Variants in ZDHHC7 observed in about 807,000 individuals in gnomAD.
The protein encoded by ZDHHC7 is palmitoyltransferase ZDHHC7.
A neutral mutation model predicts 34.1 loss-of-function variants in ZDHHC7; 12 were observed. That is an observed-to-expected ratio of 0.35 (90% confidence interval 0.23 to 0.57). The LOEUF is 0.57. Ranked by LOEUF, ZDHHC7 falls within the 20% of genes least tolerant of loss-of-function variation. The pLI, the probability that ZDHHC7 is intolerant of heterozygous loss-of-function variation, is 0.84. For missense variants in ZDHHC7, 388 were observed against 402.7 expected (o/e 0.96, Z 0.31); for synonymous variants, 185 against 155.4 (o/e 1.19, Z -1.42).
intron 3 of ZDHHC7, chr16:84,988,985 T>A: frequency 9.0e-7 from 1 of 1,106,876 alleles, no homozygotes; most frequent in Non-Finnish European, 1.3e-6. Context: ...GGGTTTCTGC[T>A]GCAGCCAAGG....
At chr16:85,001,823 A>G (rs1027370093) in intron 1 of ZDHHC7, among the ~76,000 whole-genome samples, 2 of 152,110 alleles carry the variant, frequency 1.3e-5, no homozygotes, top group Admixed American at 6.6e-5. Context: ...CGATCTTCCC[A>G]TGTCGGCCAA....
intron 3 of ZDHHC7, chr16:84,988,613 C>A: frequency 1.4e-6 from 1 of 690,916 alleles, no homozygotes. Flanking sequence ...GGAGCAGGAG[C>A]GGGGTGGGAG....
At chr16:84,979,957 T>G in intron 4 of ZDHHC7, among the ~76,000 whole-genome samples, 1 of 144,270 alleles carries the variant, frequency 6.9e-6, no homozygotes. Context: ...ACCTTTTTTT[T>G]TTTTTTTTTT....
intron 2 of ZDHHC7, among the ~76,000 whole-genome samples, chr16:84,994,929 T>A (rs573563914): frequency 1.6e-4 from 25 of 152,282 alleles, no homozygotes; most frequent in African/African-American, 5.8e-4. Flanking sequence ...AGTCACTGTA[T>A]TTACACTTGA....
Position 84,990,585 on chromosome 16 carries a change from C to T in ZDHHC7, c.34G>A (p.Glu12Lys). The T allele has an allele frequency of 1.9e-6, 3 of 1,613,962 alleles. No individual in the cohort carries two copies. The highest frequency in any genetic ancestry group is 2.5e-6 in the Non-Finnish European group (3 of 1,180,020). The change falls in exon 3 of 8, where the codon GAG (glutamate) becomes AAG (lysine). Residue 12 changes from glutamate (E) to lysine (K), a missense_variant. Glu to Lys is a moderately conservative substitution (Grantham distance 56, BLOSUM62 1). Transcript: ENST00000313732. ...QPSGHRLRDV[E>K]HHPLLAENDN... is the part of the protein sequence containing the mutation. ...TTTTCAGCCAGGAGAGGATGATGCT[C>T]GACGTCCCGGAGCCTGTGTCCTGAT...
intron 1 of ZDHHC7, among the ~76,000 whole-genome samples, chr16:84,999,974 T>C (rs1001635521): frequency 6.6e-6 from 1 of 151,682 alleles, no homozygotes; most frequent in African/African-American, 2.4e-5. Context: ...CAAGACCCTG[T>C]CTCTACAAAA....
intron 3 of ZDHHC7, among the ~76,000 whole-genome samples, chr16:84,983,464 A>G (rs974925671): frequency 2.0e-5 from 3 of 152,150 alleles, no homozygotes; most frequent in Admixed American, 6.5e-5. Flanking sequence ...ATTCAGGGCT[A>G]CCAACAGGCC....
At chr16:85,002,470 G>A (rs1189829412) in intron 1 of ZDHHC7, among the ~76,000 whole-genome samples, 1 of 152,024 alleles carries the variant, frequency 6.6e-6, no homozygotes, top group Non-Finnish European at 1.5e-5. Context: ...TAGTCATAAG[G>A]AAAATATCAA....
rs746221378 is a variant in ZDHHC7, at chr16:84,978,019, G to A, written c.538-14C>T. On this transcript the variant is annotated splice_polypyrimidine_tract_variant and intron_variant, in intron 5 of 7. Coordinates refer to ENST00000313732, the MANE Select transcript of ZDHHC7 (RefSeq NM_017740.3). Reference sequence around the variant, plus strand: ...AGCTATATACATCTAGAATGAGGGGGAGATTGGTTAGTCACTTTTATTTTT... The same window carrying A: ...AGCTATATACATCTAGAATGAGGGGAAGATTGGTTAGTCACTTTTATTTTT... The A allele has an allele frequency of 1.9e-6, 3 of 1,584,462 alleles. No individual in the cohort carries two copies. In the South Asian group the frequency reaches 3.4e-5, roughly 18 times the overall value.
In ZDHHC7 at chr16:84,976,329, T is replaced by A. The variant is rs1282901869; in HGVS notation, c.*14A>T. On this transcript the variant is annotated 3_prime_UTR_variant, in exon 8 of 8. Coordinates refer to ENST00000313732, the MANE Select transcript of ZDHHC7 (RefSeq NM_017740.3). The stretch of plus-strand genomic sequence containing the variant: ...GGAAGTCTGTGAGCAAGTTTCAGTC[T>A]GATGAGCCACGCCTCACACTGAGAA... 1 of 1,611,582 alleles carries A rather than the reference T, an allele frequency of 6.2e-7. No individual in the cohort carries two copies. Among genetic ancestry groups the A allele is most frequent in the Non-Finnish European group, 8.5e-7 (1 of 1,179,590 alleles).
At chr16:84,979,361 G>A (rs943493844) in intron 4 of ZDHHC7, 76 bp from the exon 5 acceptor site, 1 of 1,536,914 alleles carries the variant, frequency 6.5e-7, no homozygotes, top group African/African-American at 1.4e-5. Flanking sequence ...TAAAATCAAA[G>A]GTGGAGGAAA....
the ZDHHC7 span, among the ~76,000 whole-genome samples, chr16:85,023,981 G>C: frequency 6.6e-6 from 1 of 152,108 alleles, no homozygotes; most frequent in Admixed American, 6.5e-5. Context: ...GCAATGGTAG[G>C]ATCTCAGCTC....
chr16:85,006,257 G>A (rs1241442377), intron 1 of ZDHHC7, among the ~76,000 whole-genome samples: 1 of 152,002 alleles, frequency 6.6e-6, no homozygotes, highest in Non-Finnish European at 1.5e-5. Context: ...TACTCGAGAG[G>A]CTGAGGCAGG....
upstream of ZDHHC7, among the ~76,000 whole-genome samples, chr16:85,012,020 G>T (rs1465303893): frequency 5.9e-5 from 9 of 152,342 alleles, no homozygotes; most frequent in East Asian, 1.5e-3. Context: ...CTCCTTGAGG[G>T]ACTTGGACAC....
upstream of ZDHHC7, among the ~76,000 whole-genome samples, chr16:85,012,159 A>G (rs762745220): frequency 2.0e-5 from 3 of 152,188 alleles, no homozygotes; most frequent in Non-Finnish European, 2.9e-5. Flanking sequence ...AGGCAGGCTG[A>G]TCACTTGAGG....
intron 5 of ZDHHC7, 95 bp downstream of exon 5, chr16:84,979,094 T>C: frequency 8.2e-7 from 1 of 1,220,150 alleles, no homozygotes; most frequent in Non-Finnish European, 1.1e-6. Context: ...GGAGAGAAAC[T>C]GGCCTGACGT....
At chr16:85,002,655 G>A (rs2072668249) in intron 1 of ZDHHC7, among the ~76,000 whole-genome samples, 1 of 152,066 alleles carries the variant, frequency 6.6e-6, no homozygotes, top group South Asian at 2.1e-4. Flanking sequence ...GACAGAGAAA[G>A]GACATTAAGG....
chr16:84,988,286 G>A (rs1202957939), intron 3 of ZDHHC7, among the ~76,000 whole-genome samples: 5 of 152,116 alleles, frequency 3.3e-5, no homozygotes, highest in Admixed American at 1.3e-4. Flanking sequence ...GCTAAGGGGT[G>A]TGGGGTTCCT....
chr16:84,976,344 C>T lies in ZDHHC7; in HGVS notation c.926G>A (p.Ter309=). Residue 309 remains the stop codon, a stop_retained_variant, in exon 8 of 8, where the codon TGA becomes TAA. Coordinates refer to ENST00000313732, the MANE Select transcript of ZDHHC7 (RefSeq NM_017740.3). ...PRKGGPEFSV[*] ...AGTTTCAGTCTGATGAGCCACGCCT[C>T]ACACTGAGAACTCCGGGCCACCTTT... is the stretch of plus-strand genomic sequence containing the variant. 1 of 1,613,836 alleles carries T rather than the reference C, an allele frequency of 6.2e-7. No individual in the cohort carries two copies.
Sources: gnomAD v4.1 joint callset for allele counts (sites outside exome capture counted in the v4.1 genomes callset) on GRCh38, gnomAD v4.1.1 for gene constraint, MANE v1.5 for transcripts, NCBI Gene and HGNC (gene_info 2026-07-23, HGNC 2026-07-21) for gene names.